The following PSMD4 variants were observed in gnomAD, a reference collection of about 807,000 sequenced individuals.
PSMD4 encodes 26S proteasome non-ATPase regulatory subunit 4.
Under a neutral mutation model 39.7 loss-of-function variants are expected in PSMD4, and 5 were observed. The observed-to-expected ratio is 0.13, with a 90% CI of 0.07 to 0.26. PSMD4 has a LOEUF of 0.26. Ranked by LOEUF, PSMD4 falls within the 10% of genes least tolerant of loss-of-function variation. The pLI is 1.00. For synonymous variants in PSMD4, 143 were observed against 174.6 expected (o/e 0.82, Z 1.43); for missense variants, 272 against 486.1 (o/e 0.56, Z 4.14).
In PSMD4 at chr1:151,265,202, G is replaced by T; in HGVS notation, c.406G>T (p.Val136Leu). Residue 136 changes from valine to leucine, a missense_variant, in exon 5 of 10, where the codon GTA becomes TTA. Val to Leu is a conservative substitution (Grantham distance 32). Coordinates refer to ENST00000368884, the MANE Select transcript of PSMD4 (RefSeq NM_002810.4). ...GGCTAAACGCCTCAAGAAGGAGAAAGTAAATGTTGACATTATCAATTTTGG... is the reference window on the plus strand; with the variant it reads ...GGCTAAACGCCTCAAGAAGGAGAAATTAAATGTTGACATTATCAATTTTGG... ...KLAKRLKKEKVNVDIINFGEE... is the reference protein window; with the variant it reads ...KLAKRLKKEKLNVDIINFGEE... 6.2e-7 allele frequency: 1 copy of T among 1,613,590 alleles called. No homozygotes were observed. Among genetic ancestry groups the T allele is most frequent in the African/African-American group, 1.3e-5 (1 of 75,014 alleles).
chr1:151,266,498 C>T, intron 8 of PSMD4, 22 bp from the exon 9 acceptor site: 1 of 1,614,206 alleles, frequency 6.2e-7, no homozygotes, highest in Non-Finnish European at 8.5e-7. Context: ...TGTAACTGAA[C>T]AGACTGACCT....
At chr1:151,258,589 T>G (rs587651770) in intron 1 of PSMD4, among the ~76,000 whole-genome samples, 39 of 150,558 alleles carry the variant, frequency 2.6e-4, no homozygotes, top group African/African-American at 9.5e-4. Flanking sequence ...GCCTCCTGAA[T>G]AGCTGGGACT....
intron 1 of PSMD4, among the ~76,000 whole-genome samples, chr1:151,257,353 A>T (rs1043930249): frequency 5.9e-5 from 9 of 152,102 alleles, no homozygotes; most frequent in African/African-American, 2.2e-4. Context: ...CCTAAGTAAT[A>T]GTTTGAAGTT....
At chr1:151,264,320 A>G (rs587703149) in intron 3 of PSMD4, among the ~76,000 whole-genome samples, 1 of 145,132 alleles carries the variant, frequency 6.9e-6, no homozygotes, top group Non-Finnish European at 1.5e-5. Flanking sequence ...GCCTGGGCAC[A>G]TAGGGAGACC....
chr1:151,261,034 C>T (rs1214973306), intron 1 of PSMD4, among the ~76,000 whole-genome samples: 2 of 151,482 alleles, frequency 1.3e-5, no homozygotes, highest in African/African-American at 4.9e-5. Flanking sequence ...TTAGTAGAGA[C>T]GGGGTTTCAC....
At chr1:151,264,259 C>G (rs1268522325) in intron 3 of PSMD4, among the ~76,000 whole-genome samples, 1 of 151,602 alleles carries the variant, frequency 6.6e-6, no homozygotes, top group Non-Finnish European at 1.5e-5. Flanking sequence ...AATCCCATCA[C>G]TTTGGGAGGC....
intron 9 of PSMD4, 55 bp downstream of exon 9, chr1:151,266,642 T>C: frequency 1.3e-6 from 2 of 1,579,806 alleles, no homozygotes; most frequent in Non-Finnish European, 1.7e-6. Flanking sequence ...TAGATCCTCA[T>C]CCCTCTGGGG....
intron 9 of PSMD4, 114 bp from the exon 10 acceptor site, chr1:151,267,059 C>T: frequency 7.9e-7 from 1 of 1,269,198 alleles, no homozygotes; most frequent in Non-Finnish European, 1.2e-6. Context: ...GTGCCCAGAT[C>T]CCCACACAGT....
rs1025187861 is a variant in PSMD4, at chr1:151,262,259, G to A, written c.125G>A (p.Arg42His). ...AVNIVCHSKT[R>H]SNPENNVGLI... ...AACATAGTTTGTCATTCAAAGACCC[G>A]CAGCAACCCTGAGAACAACGTGGGC... Residue 42 changes from arginine to histidine, a missense_variant, in exon 2 of 10, where the codon CGC becomes CAC. Transcript: ENST00000368884. 1.6e-5 allele frequency: 26 copies of A among 1,614,136 alleles called. No individual in the cohort carries two copies. The highest frequency in any genetic ancestry group is 2.0e-5 in the Non-Finnish European group (24 of 1,180,028).
chr1:151,255,763 C>T (rs1029152029), intron 1 of PSMD4, among the ~76,000 whole-genome samples: 1 of 152,006 alleles, frequency 6.6e-6, no homozygotes, highest in African/African-American at 2.4e-5. Context: ...CTCGCTCTGT[C>T]TCCCGGACTG....
intron 2 of PSMD4, among the ~76,000 whole-genome samples, chr1:151,263,292 C>T (rs1353282746): frequency 6.6e-6 from 1 of 151,706 alleles, no homozygotes; most frequent in East Asian, 1.9e-4. Context: ...GGCAAAACCC[C>T]GTCTCTACTA....
chr1:151,266,246 T>C, intron 7 of PSMD4, 62 bp from the exon 8 acceptor site: 1 of 1,610,200 alleles, frequency 6.2e-7, no homozygotes, highest in Non-Finnish European at 8.5e-7. Context: ...GGAATGGCCT[T>C]GGAGGCTGGC....
chr1:151,255,958 T>C (rs1440048020), intron 1 of PSMD4, among the ~76,000 whole-genome samples: 2 of 152,130 alleles, frequency 1.3e-5, no homozygotes, highest in Non-Finnish European at 2.9e-5. Flanking sequence ...TTAGGTGGTA[T>C]CTCGTTGTGG....
chr1:151,266,823 G>A lies in PSMD4; in HGVS notation c.963+236G>A, dbSNP rs587617362. 4 of 732,998 alleles carry A rather than the reference G, an allele frequency of 5.5e-6. No homozygotes were observed. The East Asian group carries it at 1.1e-4, about 20-fold the overall frequency. 45.4% of individuals were successfully genotyped at this position (732,998 alleles called of 1,614,324 possible). A position where few individuals can be genotyped will look rare whatever the true frequency, so the allele number is the denominator to read the frequency against. On this transcript the variant is annotated intron_variant, in intron 9 of 9. Transcript: ENST00000368884. ...CTTGCTGGTGGGAGCAGCCTGGGCAGTTCTCTAGGATGTCTTCCCAGGAGG... is the reference window on the plus strand; with the variant it reads ...CTTGCTGGTGGGAGCAGCCTGGGCAATTCTCTAGGATGTCTTCCCAGGAGG...
At position 151,262,294 on chromosome 1, in the gene PSMD4, C is replaced by T. The variant is rs1693335911; in HGVS notation, c.160C>T (p.Leu54=). 5.0e-6 allele frequency: 8 copies of T among 1,614,176 alleles called. No individual in the cohort carries two copies. The East Asian group carries it at 1.8e-4, about 36-fold the overall frequency. The change falls in exon 2 of 10, where the codon CTG becomes TTG. Residue 54 remains leucine, a synonymous_variant. Transcript: ENST00000368884. ...NPENNVGLIT[L]ANDCEVLTTL... is the part of the protein sequence containing the mutation. ...TGAGAACAACGTGGGCCTTATCACA[C>T]TGGCTAAGTATGGGGGACAGAGGAG...
In PSMD4 at chr1:151,264,867, G is replaced by T; in HGVS notation, c.318G>T (p.Lys106Asn). ...ALKHRQGKNH[K>N]MRIIAFVGSP... is the part of the protein sequence containing the mutation. ...AGCACCGACAAGGCAAGAATCACAA[G>T]ATGCGCATCATTGCCTTTGTGGGAA... Residue 106 changes from lysine (K) to asparagine (N), a missense_variant, in exon 4 of 10, where the codon AAG (lysine) becomes AAT (asparagine). This residue lies in a region of PSMD4 where 153 missense variants were observed against 257.6 expected (regional missense o/e 0.59). Transcript: ENST00000368884. The T allele has an allele frequency of 6.2e-7, 1 of 1,613,906 alleles. No homozygotes were observed. Among genetic ancestry groups the T allele is most frequent in the Non-Finnish European group, 8.5e-7 (1 of 1,179,908 alleles).
In PSMD4 at chr1:151,263,987, A is replaced by C; in HGVS notation, c.241A>C (p.Lys81Gln). 10 of 1,605,250 alleles carry C rather than the reference A, an allele frequency of 6.2e-6. No homozygotes were observed. Among genetic ancestry groups the C allele is most frequent in the Non-Finnish European group, 7.7e-6 (9 of 1,175,824 alleles). The change falls in exon 3 of 10, where the codon AAG (lysine) becomes CAG (glutamine). Residue 81 changes from lysine (K) to glutamine (Q), a missense_variant. Coordinates refer to ENST00000368884, the MANE Select transcript of PSMD4 (RefSeq NM_002810.4). ...GTCCAAGCTACATACTGTCCAACCC[A>C]AGGGCAAGATCACCTTCTGCACGGG... ...ILSKLHTVQP[K>Q]GKITFCTGIR... is the part of the protein sequence containing the mutation.
intron 3 of PSMD4, among the ~76,000 whole-genome samples, 168 bp from the exon 4 acceptor site, chr1:151,264,664 G>A (rs907290939): frequency 6.6e-6 from 1 of 152,048 alleles, no homozygotes; most frequent in Non-Finnish European, 1.5e-5. Context: ...TGCACAGAGA[G>A]TCATAGCAAA....
chr1:151,267,146 C>T (rs764690032), intron 9 of PSMD4, 27 bp from the exon 10 acceptor site: 17 of 1,613,754 alleles, frequency 1.1e-5, no homozygotes, highest in Non-Finnish European at 1.4e-5. Context: ...CCATACCCTC[C>T]CTTGAGCTCA....
Sources: gnomAD v4.1 joint callset for allele counts (sites outside exome capture counted in the v4.1 genomes callset) on GRCh38, gnomAD v4.1.1 for gene constraint, gnomAD v4.1.1 regional missense constraint, MANE v1.5 for transcripts, NCBI Gene and HGNC (gene_info 2026-07-23, HGNC 2026-07-21) for gene names.